The following SF3B3 variants were observed in gnomAD, a reference collection of about 807,000 sequenced individuals.
SF3B3 encodes the protein SAP 130.
A neutral mutation model predicts 139.2 loss-of-function variants in SF3B3; 33 were observed. The ratio of observed to expected loss-of-function variants is 0.24; its 90% confidence interval spans 0.18 to 0.32. The LOEUF (loss-of-function observed/expected upper bound fraction) is 0.32. Among genes scored for constraint, SF3B3 ranks in the 10% least tolerant of loss-of-function variants. SF3B3 has a pLI of 1.00. For synonymous variants in SF3B3, 596 were observed against 563.6 expected, an observed-to-expected ratio of 1.06 and a Z score of -0.81; for missense variants, 818 against 1,509.4, an observed-to-expected ratio of 0.54 and a Z score of 7.59.
At chr16:70,552,913 A>G (rs1188867762) in intron 11 of SF3B3, among the ~76,000 whole-genome samples, 3 of 152,080 alleles carry the variant, frequency 2.0e-5, no homozygotes, top group Non-Finnish European at 4.4e-5. Context: ...CCAATGATAC[A>G]TCTTTTTTGT....
intron 10 of SF3B3, 148 bp downstream of exon 10, chr16:70,544,681 A>C (rs530041911): frequency 1.7e-6 from 1 of 598,894 alleles, no homozygotes; most frequent in Middle Eastern, 3.2e-4. Context: ...CGAAGTTTAT[A>C]CTTCAGATTT....
chr16:70,569,977 A>ACAGT, intron 23 of SF3B3, 29 bp from the exon 24 acceptor site: 1 of 1,613,310 alleles, frequency 6.2e-7, no homozygotes, highest in Non-Finnish European at 8.5e-7. Flanking sequence ...GAGGGTGCAC[A>ACAGT]CAGTCACTAG....
At chr16:70,563,526 T>TA (rs2050448659) in intron 17 of SF3B3, among the ~76,000 whole-genome samples, 2 of 152,226 alleles carry the variant, frequency 1.3e-5, no homozygotes, top group South Asian at 4.1e-4. Flanking sequence ...TCACTACAAA[T>TA]ACCATATATG....
At position 70,564,258 on chromosome 16, in the gene SF3B3, G is replaced by A. The variant is rs549257899; in HGVS notation, c.2463+208G>A. Among the ~76,000 whole-genome samples the A allele has an allele frequency of 9.3e-4, 142 of 152,250 alleles. 3 individuals carry two copies. Among genetic ancestry groups the A allele is most frequent in the Admixed American group, 9.2e-3 (141 of 15,298 alleles). ...GTGTTGGTGCACTCCTGTAGTCCCAGCTACTTGGGAGGCTGAGGCAGGAGG... is the reference window on the plus strand; with the variant it reads ...GTGTTGGTGCACTCCTGTAGTCCCAACTACTTGGGAGGCTGAGGCAGGAGG... On this transcript the variant is annotated intron_variant, in intron 18 of 25. Coordinates refer to ENST00000302516, the MANE Select transcript of SF3B3 (RefSeq NM_012426.5).
intron 10 of SF3B3, among the ~76,000 whole-genome samples, chr16:70,547,027 CA>C (rs34272829): frequency 8.1e-5 from 12 of 148,898 alleles, no homozygotes; most frequent in Admixed American, 2.0e-4. Flanking sequence ...GACTCCGTCT[CA>C]AAAAAAAAAA....
In SF3B3 at chr16:70,571,133, G is replaced by A. The variant is rs564943111; in HGVS notation, c.3447G>A (p.Arg1149=). The stretch of plus-strand genomic sequence containing the variant: ...TCCAGCATGTGGAAATGCACCTGCG[G>A]TCTGAACATCCCCCTCTCTGTGGGC... ...DFFQHVEMHL[R]SEHPPLCGRD... The change falls in exon 25 of 26, where the codon CGG becomes CGA. Residue 1149 remains arginine, a synonymous_variant. Transcript: ENST00000302516. The A allele has an allele frequency of 3.7e-6, 6 of 1,614,086 alleles. No homozygotes were observed. In the African/African-American group the frequency reaches 4.0e-5, roughly 11 times the overall value.
intron 6 of SF3B3, among the ~76,000 whole-genome samples, chr16:70,537,830 T>G (rs2050182339): frequency 6.6e-6 from 1 of 152,162 alleles, no homozygotes; most frequent in Non-Finnish European, 1.5e-5. Context: ...CCCCAGCTAC[T>G]TGAGAGGCTG....
At chr16:70,546,061 C>A (rs1335178385) in intron 10 of SF3B3, among the ~76,000 whole-genome samples, 1 of 152,190 alleles carries the variant, frequency 6.6e-6, no homozygotes, top group Non-Finnish European at 1.5e-5. Flanking sequence ...CGCCCAGTCT[C>A]AAGCAAGCAA....
intron 17 of SF3B3, among the ~76,000 whole-genome samples, chr16:70,562,675 G>A (rs1597722100): frequency 6.6e-6 from 1 of 152,128 alleles, no homozygotes; most frequent in African/African-American, 2.4e-5. Flanking sequence ...CCTACCTCCT[G>A]AATTGCTATA....
chr16:70,547,574 A>G (rs11648402), intron 10 of SF3B3, among the ~76,000 whole-genome samples: 72,804 of 151,970 alleles, frequency 0.48, 17,907 homozygotes, highest in South Asian at 0.66. Context: ...AACAGTTAGT[A>G]CCCTAAGAGG....
intron 7 of SF3B3, 44 bp from the exon 8 acceptor site, chr16:70,539,060 C>G (rs2050194767): frequency 1.1e-5 from 15 of 1,327,068 alleles, no homozygotes; most frequent in Non-Finnish European, 1.6e-5. Context: ...ATACGGGGCT[C>G]ACTTCACTTT....
At chr16:70,559,498 G>T (rs539921256) in intron 15 of SF3B3, among the ~76,000 whole-genome samples, 1 of 152,120 alleles carries the variant, frequency 6.6e-6, no homozygotes, top group South Asian at 2.1e-4. Flanking sequence ...ACTAGCCTGG[G>T]CAACATGGCG....
chr16:70,528,720 C>T (rs1350469033), intron 2 of SF3B3, among the ~76,000 whole-genome samples, 153 bp from the exon 3 acceptor site: 2 of 151,792 alleles, frequency 1.3e-5, no homozygotes, highest in African/African-American at 2.4e-5. Context: ...TGGGTTCAAG[C>T]GATTCTCCTG....
intron 11 of SF3B3, among the ~76,000 whole-genome samples, chr16:70,549,707 T>C (rs4432264): frequency 0.62 from 94,542 of 152,084 alleles, 31,978 homozygotes; most frequent in African/African-American, 0.9. Context: ...GGGCGGATCA[T>C]CTGAGGTCAG....
intron 17 of SF3B3, among the ~76,000 whole-genome samples, chr16:70,563,125 A>G (rs1215875637): frequency 8.0e-6 from 1 of 125,768 alleles, no homozygotes; most frequent in Non-Finnish European, 1.7e-5. Context: ...GCGCCACCAT[A>G]CATGGCTTTT....
At chr16:70,565,630 ATC>A (rs1184640949) in intron 20 of SF3B3, 106 bp downstream of exon 20, 3 of 1,006,542 alleles carry the variant, frequency 3.0e-6, no homozygotes, top group Admixed American at 5.0e-5. Flanking sequence ...CTTGATTCCA[ATC>A]TCTCTCTTAC....
At chr16:70,570,413 C>T (rs2050518176) in intron 24 of SF3B3, among the ~76,000 whole-genome samples, 1 of 146,514 alleles carries the variant, frequency 6.8e-6, no homozygotes, top group African/African-American at 2.5e-5. Flanking sequence ...TCATTGCAAA[C>T]TCCACCTCCC....
At chr16:70,562,104 A>G (rs576154811) in intron 17 of SF3B3, among the ~76,000 whole-genome samples, 1 of 152,332 alleles carries the variant, frequency 6.6e-6, no homozygotes, top group South Asian at 2.1e-4. Context: ...GGATCACTGC[A>G]TTGATAACCT....
At chr16:70,546,431 C>A (rs1158263181) in intron 10 of SF3B3, among the ~76,000 whole-genome samples, 1 of 152,168 alleles carries the variant, frequency 6.6e-6, no homozygotes, top group African/African-American at 2.4e-5. Context: ...GCAGCTGGAT[C>A]ACCCAAGGTC....
Sources: allele counts gnomAD v4.1 joint callset (sites outside exome capture counted in the v4.1 genomes callset), GRCh38; gene constraint gnomAD v4.1.1; transcripts MANE v1.5; gene names NCBI Gene and HGNC (gene_info 2026-07-23, HGNC 2026-07-21).